The following SNTG2 variants were observed in gnomAD, a reference collection of about 807,000 sequenced individuals.
SNTG2 encodes the protein gamma-2-syntrophin.
In SNTG2, 74 loss-of-function variants were observed where a neutral mutation model predicts 70.9. The observed-to-expected ratio is 1.04, with a 90% CI of 0.86 to 1.27. The LOEUF (loss-of-function observed/expected upper bound fraction) is 1.27, where lower values mean the gene tolerates loss of function less well. Ranked by LOEUF, SNTG2 falls within the 50% of genes most tolerant of loss-of-function variation. The pLI is 0.00. For missense variants in SNTG2, 717 were observed against 690.7 expected (o/e 1.04, Z -0.43); for synonymous variants, 278 against 273.8 (o/e 1.02, Z -0.15).
chr2:1,106,017 A>ATAG (rs1666106669), intron 4 of SNTG2, among the ~76,000 whole-genome samples: 23 of 119,870 alleles, frequency 1.9e-4, no homozygotes, highest in African/African-American at 7.0e-4. Context: ...CTTGGTAATA[A>ATAG]TGGACACGTG....
intron 8 of SNTG2, among the ~76,000 whole-genome samples, chr2:1,183,807 A>G (rs1329438832): frequency 6.6e-6 from 1 of 152,238 alleles, no homozygotes; most frequent in Non-Finnish European, 1.5e-5. Flanking sequence ...AAGGAAACCT[A>G]GAATATATAG....
intron 9 of SNTG2, among the ~76,000 whole-genome samples, chr2:1,226,636 T>C (rs1232844571): frequency 8.6e-5 from 13 of 151,854 alleles, no homozygotes; most frequent in Admixed American, 8.6e-4. Context: ...ACTCTTCGAC[T>C]GAACTGAGAG....
intron 9 of SNTG2, among the ~76,000 whole-genome samples, chr2:1,227,866 G>C (rs1228595276): frequency 2.0e-5 from 3 of 152,246 alleles, no homozygotes; most frequent in Non-Finnish European, 4.4e-5. Context: ...AGGGCACTTT[G>C]CTGCATTCTG....
At chr2:1,162,087 A>AG (rs1474089346) in intron 6 of SNTG2, among the ~76,000 whole-genome samples, 8 of 151,592 alleles carry the variant, frequency 5.3e-5, no homozygotes, top group African/African-American at 1.7e-4. Context: ...AAAAAAAAAA[A>AG]AAAAAAGTGC....
At chr2:1,173,706 T>G (rs1671280672) in intron 8 of SNTG2, among the ~76,000 whole-genome samples, 4 of 152,124 alleles carry the variant, frequency 2.6e-5, no homozygotes, top group Admixed American at 2.0e-4. Context: ...TGAGAGAACC[T>G]GTAGCTCCCT....
At chr2:1,301,919 T>C (rs1680469762) in intron 14 of SNTG2, among the ~76,000 whole-genome samples, 1 of 150,964 alleles carries the variant, frequency 6.6e-6, no homozygotes, top group Non-Finnish European at 1.5e-5. Context: ...TGAGCGAGAG[T>C]GCAGGTGACA....
At chr2:957,029 A>G in intron 1 of SNTG2, among the ~76,000 whole-genome samples, 1 of 152,240 alleles carries the variant, frequency 6.6e-6, no homozygotes, top group East Asian at 1.9e-4. Flanking sequence ...ATATTTTACC[A>G]AATGGCTCTG....
At chr2:986,505 G>A (rs1661330179) in intron 1 of SNTG2, among the ~76,000 whole-genome samples, 1 of 152,208 alleles carries the variant, frequency 6.6e-6, no homozygotes, top group Non-Finnish European at 1.5e-5. Context: ...GGTTGTCATG[G>A]TTAGTTAAAA....
At chr2:1,237,743 G>A in intron 9 of SNTG2, 145 bp from the exon 10 acceptor site, 3 of 1,010,452 alleles carry the variant, frequency 3.0e-6, no homozygotes, top group South Asian at 1.8e-5. Context: ...CCTGCTGACT[G>A]TACTGAGGCG....
chr2:1,072,519 A>G (rs1663645018), intron 1 of SNTG2, among the ~76,000 whole-genome samples: 2 of 151,884 alleles, frequency 1.3e-5, no homozygotes. Context: ...CACTGAGACA[A>G]AAAGAAAAAA....
At chr2:1,324,422 T>C (rs1281966451) in intron 16 of SNTG2, among the ~76,000 whole-genome samples, 1 of 152,070 alleles carries the variant, frequency 6.6e-6, no homozygotes, top group Non-Finnish European at 1.5e-5. Context: ...CATATAAGGA[T>C]TTTAATAAAG....
At chr2:1,181,751 G>T (rs1031400774) in intron 8 of SNTG2, among the ~76,000 whole-genome samples, 12 of 152,002 alleles carry the variant, frequency 7.9e-5, no homozygotes, top group Non-Finnish European at 1.3e-4. Context: ...TTTTTCTTCT[G>T]CCTCCTAAAA....
In SNTG2 at chr2:1,077,938, G is replaced by GT. The variant is rs1368034182; in HGVS notation, c.73-5578dup. ...CCGAGACCTCCTGGTGCTGACGCGG[G>GT]TTCACGGCCCTCACTGTTTTGCGGC... On this transcript the variant is annotated intron_variant, in intron 1 of 16. Transcript: ENST00000308624. Among the ~76,000 whole-genome samples the GT allele has an allele frequency of 2.0e-5, 3 of 152,256 alleles. No individual in the cohort carries two copies. The East Asian group carries it at 5.8e-4, about 29-fold the overall frequency.
intron 12 of SNTG2, among the ~76,000 whole-genome samples, chr2:1,252,294 A>G (rs375917106): frequency 1.3e-5 from 2 of 152,288 alleles, no homozygotes; most frequent in East Asian, 3.9e-4. Context: ...GATTGATTTG[A>G]CTTGTTTTAT....
At chr2:1,225,605 C>T (rs1000886452) in intron 9 of SNTG2, among the ~76,000 whole-genome samples, 3 of 152,122 alleles carry the variant, frequency 2.0e-5, no homozygotes, top group Non-Finnish European at 4.4e-5. Context: ...CATTGACGGG[C>T]GGCTCTTTGA....
chr2:984,557 C>G (rs145256387), intron 1 of SNTG2, among the ~76,000 whole-genome samples: 72 of 152,288 alleles, frequency 4.7e-4, no homozygotes, highest in African/African-American at 1.7e-3. Context: ...CCCTTTGGTG[C>G]ACTCTGACTG....
chr2:1,363,010 C>T (rs905987912), intron 16 of SNTG2, among the ~76,000 whole-genome samples: 3 of 151,908 alleles, frequency 2.0e-5, no homozygotes, highest in East Asian at 3.9e-4. Context: ...AAGTCACCAA[C>T]GCTGAGCATT....
chr2:1,070,050 G>T (rs1042961985), intron 1 of SNTG2, among the ~76,000 whole-genome samples: 17 of 152,166 alleles, frequency 1.1e-4, no homozygotes, highest in Non-Finnish European at 2.4e-4. Flanking sequence ...GCAGGGGGAT[G>T]GAGCAAAGCC....
intron 1 of SNTG2, among the ~76,000 whole-genome samples, chr2:1,066,522 C>G (rs1663165390): frequency 6.6e-6 from 1 of 151,844 alleles, no homozygotes; most frequent in Admixed American, 6.6e-5. Flanking sequence ...CCGGCACAGA[C>G]CACCGGACAG....
Sources: allele counts gnomAD v4.1 joint callset (sites outside exome capture counted in the v4.1 genomes callset), GRCh38; gene constraint gnomAD v4.1.1; transcripts MANE v1.5; gene names NCBI Gene and HGNC (gene_info 2026-07-23, HGNC 2026-07-21).